ELAVL2: variants seen among roughly 807,000 people sequenced by gnomAD.
ELAVL2 encodes the protein ELAV-like protein 2.
Under a neutral mutation model 34.6 loss-of-function variants are expected in ELAVL2, and 4 were observed. The ratio of observed to expected loss-of-function variants is 0.12; its 90% confidence interval spans 0.06 to 0.26. The LOEUF is 0.26. ELAVL2 is among the 10% of genes least tolerant of loss of function. The probability of loss-of-function intolerance (pLI) is 1.00; values close to 1 mark genes in which losing one functional copy is unlikely to be tolerated. For missense variants in ELAVL2, 432 were observed against 442.8 expected (o/e 0.98, Z 0.22); for synonymous variants, 193 against 154.8 (o/e 1.25, Z -1.83).
At chr9:23,774,964 A>T (rs2057961937) in intron 1 of ELAVL2, among the ~76,000 whole-genome samples, 1 of 152,122 alleles carries the variant, frequency 6.6e-6, no homozygotes, top group Non-Finnish European at 1.5e-5. Context: ...ATTCATACAA[A>T]ATCATACACT....
chr9:23,818,172 T>C (rs1564589443), intron 1 of ELAVL2, among the ~76,000 whole-genome samples: 1 of 152,216 alleles, frequency 6.6e-6, no homozygotes, highest in Admixed American at 6.5e-5. Context: ...AAAAATTTTA[T>C]GCATTTTATG....
intron 1 of ELAVL2, among the ~76,000 whole-genome samples, chr9:23,785,558 A>G (rs2059578857): frequency 6.6e-6 from 1 of 152,226 alleles, no homozygotes. Context: ...GAAAACAAAA[A>G]TAACAAGGGA....
intron 5 of ELAVL2, among the ~76,000 whole-genome samples, 189 bp from the exon 6 acceptor site, chr9:23,693,675 T>C (rs180785990): frequency 1.3e-5 from 2 of 152,298 alleles, no homozygotes; most frequent in East Asian, 1.9e-4. Context: ...GTTCTTCCAA[T>C]GAATGGTTTC....
intron 1 of ELAVL2, among the ~76,000 whole-genome samples, chr9:23,780,114 A>G (rs2058858132): frequency 2.0e-5 from 3 of 151,420 alleles, no homozygotes; most frequent in African/African-American, 7.3e-5. Flanking sequence ...CATCTATTCT[A>G]CAAAACCTCA....
chr9:23,772,795 T>TGTA lies in ELAVL2; in HGVS notation c.-15-10549_-15-10547dup, dbSNP rs1564394067. Among the ~76,000 whole-genome samples, 10 of 152,188 alleles carry TGTA rather than the reference T, an allele frequency of 6.6e-5. No individual in the cohort carries two copies. The South Asian group carries it at 1.9e-3, about 28-fold the overall frequency. On this transcript the variant is annotated intron_variant, in intron 1 of 6. Coordinates refer to ENST00000397312, the MANE Select transcript of ELAVL2 (RefSeq NM_004432.5). ...AATGTGTTTTTCTTTTCTGTTGATG[T>TGTA]GTAACGTCCTGAGATTCCCAAGACA... is the stretch of plus-strand genomic sequence containing the variant.
At chr9:23,706,424 G>A (rs2039344628) in intron 3 of ELAVL2, among the ~76,000 whole-genome samples, 1 of 152,124 alleles carries the variant, frequency 6.6e-6, no homozygotes, top group Non-Finnish European at 1.5e-5. Context: ...ATCCACAACG[G>A]CTTACTGAAC....
intron 1 of ELAVL2, among the ~76,000 whole-genome samples, chr9:23,794,997 A>C (rs1049465033): frequency 5.9e-5 from 9 of 152,178 alleles, no homozygotes; most frequent in Non-Finnish European, 8.8e-5. Context: ...CACACCTACA[A>C]AACATCTGTA....
intron 1 of ELAVL2, among the ~76,000 whole-genome samples, chr9:23,763,369 A>C (rs1196343552): frequency 3.9e-5 from 6 of 152,106 alleles, no homozygotes; most frequent in Admixed American, 1.3e-4. Flanking sequence ...TTTTCCACTA[A>C]CTACCTATCT....
rs1282549024 is a variant in ELAVL2, at chr9:23,776,690, GC to G, written c.-15-14442del. ...ACAAGGAAACCTTTAAGAACCCGCA[GC>G]CAGAAATAATCCCTTCTCTACCTGA... On this transcript the variant is annotated intron_variant, in intron 1 of 6. Coordinates refer to ENST00000397312, the MANE Select transcript of ELAVL2 (RefSeq NM_004432.5). Among the ~76,000 whole-genome samples the G allele has an allele frequency of 2.9e-5, 4 of 138,482 alleles. No individual in the cohort carries two copies. The Admixed American group carries it at 3.1e-4, about 11-fold the overall frequency. 90.8% of individuals were successfully genotyped at this position (138,482 alleles called of 152,430 possible).
At chr9:23,800,259 T>C (rs571778706) in intron 1 of ELAVL2, among the ~76,000 whole-genome samples, 6 of 152,300 alleles carry the variant, frequency 3.9e-5, no homozygotes, top group African/African-American at 1.4e-4. Context: ...CCCCAAATTC[T>C]GAACTGGAGG....
the ELAVL2 span, among the ~76,000 whole-genome samples, chr9:23,848,882 A>G: frequency 2.0e-5 from 3 of 152,206 alleles, no homozygotes; most frequent in African/African-American, 7.2e-5. Flanking sequence ...GCCTCATCAG[A>G]AAATGGGCAG....
chr9:23,743,032 G>C (rs1321211783), intron 2 of ELAVL2, among the ~76,000 whole-genome samples: 2 of 152,196 alleles, frequency 1.3e-5, no homozygotes, highest in East Asian at 3.9e-4. Flanking sequence ...CACTCTCTCT[G>C]AAGCAATAAA....
intron 2 of ELAVL2, among the ~76,000 whole-genome samples, chr9:23,747,226 CATGGATA>C (rs2050727040): frequency 6.6e-6 from 1 of 151,970 alleles, no homozygotes; most frequent in Non-Finnish European, 1.5e-5. Flanking sequence ...ATGTACCAGC[CATGGATA>C]ATGTGGACAA....
At chr9:23,788,194 G>A (rs2137097327) in intron 1 of ELAVL2, among the ~76,000 whole-genome samples, 1 of 152,296 alleles carries the variant, frequency 6.6e-6, no homozygotes, top group East Asian at 1.9e-4. Flanking sequence ...AATGGACCAG[G>A]ATATAAAATA....
intron 3 of ELAVL2, among the ~76,000 whole-genome samples, chr9:23,725,511 C>T (rs1364297528): frequency 6.6e-6 from 1 of 152,170 alleles, no homozygotes; most frequent in African/African-American, 2.4e-5. Flanking sequence ...ACTTACATTC[C>T]TGCCTGCATA....
At chr9:23,807,121 A>G (rs1242838380) in intron 1 of ELAVL2, among the ~76,000 whole-genome samples, 2 of 152,222 alleles carry the variant, frequency 1.3e-5, no homozygotes, top group Non-Finnish European at 2.9e-5. Context: ...CCTAAAGACC[A>G]GCTTATATTA....
intron 2 of ELAVL2, among the ~76,000 whole-genome samples, chr9:23,748,172 G>C (rs957560887): frequency 6.6e-6 from 1 of 151,628 alleles, no homozygotes; most frequent in East Asian, 2.0e-4. Context: ...CTTCCTTGAG[G>C]GGTAGGGGGA....
intron 3 of ELAVL2, among the ~76,000 whole-genome samples, chr9:23,729,335 A>C (rs2045990482): frequency 6.6e-6 from 1 of 152,172 alleles, no homozygotes; most frequent in Non-Finnish European, 1.5e-5. Flanking sequence ...GCAACGCTGG[A>C]AATCAATATA....
chr9:23,725,203 C>A (rs368064514), intron 3 of ELAVL2, among the ~76,000 whole-genome samples: 2 of 152,116 alleles, frequency 1.3e-5, no homozygotes, highest in Non-Finnish European at 2.9e-5. Flanking sequence ...CAAAACCCTC[C>A]GGTGCCCCTT....
Sources: gnomAD v4.1 joint callset for allele counts (sites outside exome capture counted in the v4.1 genomes callset) on GRCh38, gnomAD v4.1.1 for gene constraint, MANE v1.5 for transcripts, NCBI Gene and HGNC (gene_info 2026-07-23, HGNC 2026-07-21) for gene names.